The following MGAT4C variants were observed in gnomAD, a reference collection of about 807,000 sequenced individuals.
MGAT4C encodes the protein MGAT4 family member C, also known as alpha-1,3-mannosyl-glycoprotein 4-beta-N-acetylglucosaminyltransferase C.
A neutral mutation model predicts 40.1 loss-of-function variants in MGAT4C; 19 were observed. That is an observed-to-expected ratio of 0.47 (90% confidence interval 0.33 to 0.70). The LOEUF (loss-of-function observed/expected upper bound fraction) is 0.70, where lower values mean the gene tolerates loss of function less well. Ranked by LOEUF, MGAT4C falls within the 30% of genes least tolerant of loss-of-function variation. MGAT4C has a pLI of 0.02. For synonymous variants in MGAT4C, 181 were observed against 187.1 expected, an observed-to-expected ratio of 0.97 and a Z score of 0.27; for missense variants, 491 against 563.2, an observed-to-expected ratio of 0.87 and a Z score of 1.30.
At chr12:86,308,014 A>G (rs544103333) in intron 4 of MGAT4C, among the ~76,000 whole-genome samples, 2 of 150,036 alleles carry the variant, frequency 1.3e-5, no homozygotes, top group East Asian at 3.9e-4. Flanking sequence ...TTTGGGTACA[A>G]TTTTTTTGTA....
intron 2 of MGAT4C, among the ~76,000 whole-genome samples, chr12:86,443,877 T>A (rs56223531): frequency 0.11 from 15,999 of 152,178 alleles, 1,040 homozygotes; most frequent in Middle Eastern, 0.25. Flanking sequence ...TACAGGCACA[T>A]GCCACCATGC....
chr12:86,729,790 T>C (rs954414713), intron 1 of MGAT4C, among the ~76,000 whole-genome samples: 54 of 152,188 alleles, frequency 3.5e-4, no homozygotes, highest in African/African-American at 1.2e-3. Flanking sequence ...TTCCCCTAGA[T>C]GGGAGTAGAG....
intron 2 of MGAT4C, among the ~76,000 whole-genome samples, chr12:86,589,475 C>G (rs1355659114): frequency 1.3e-5 from 2 of 151,800 alleles, no homozygotes; most frequent in Non-Finnish European, 2.9e-5. Flanking sequence ...ACCAGAGGTA[C>G]AAGGAGGAAC....
chr12:86,518,943 G>C (rs1438301874), intron 2 of MGAT4C, among the ~76,000 whole-genome samples: 1 of 151,928 alleles, frequency 6.6e-6, no homozygotes, highest in Non-Finnish European at 1.5e-5. Flanking sequence ...CAAACATAAA[G>C]GAATACAGAT....
rs997369025 is a variant in MGAT4C, at chr12:86,543,991, C to T, written c.-228-108726G>A. 2.6e-5 allele frequency among the ~76,000 whole-genome samples: 4 copies of T among 152,026 alleles called. No homozygotes were observed. In the South Asian group the frequency reaches 6.2e-4, roughly 24 times the overall value. The stretch of plus-strand genomic sequence containing the variant: ...ATCAGGGGGGCTCAGGCTATTCACA[C>T]GATGATATAAGGATACTACATTCAG... On this transcript the variant is annotated intron_variant, in intron 2 of 7. Coordinates refer to the MGAT4C transcript ENST00000548651.
At chr12:86,046,661 G>A (rs1390817899) in intron 2 of MGAT4C, among the ~76,000 whole-genome samples, 1 of 152,098 alleles carries the variant, frequency 6.6e-6, no homozygotes, top group African/African-American at 2.4e-5. Flanking sequence ...GTGAATTGGG[G>A]TCTCCTGGGG....
At chr12:86,794,186 A>G (rs558386128) in intron 1 of MGAT4C, among the ~76,000 whole-genome samples, 1 of 151,914 alleles carries the variant, frequency 6.6e-6, no homozygotes, top group East Asian at 1.9e-4. Context: ...AAATATATTC[A>G]GACATCAAAA....
At chr12:86,322,230 G>A (rs1954409626) in intron 4 of MGAT4C, among the ~76,000 whole-genome samples, 2 of 116,128 alleles carry the variant, frequency 1.7e-5, no homozygotes, top group Admixed American at 1.1e-4. Flanking sequence ...TCGTGGGGTG[G>A]GGGGAGGGGG....
chr12:86,526,158 G>T (rs1270452852), intron 2 of MGAT4C, among the ~76,000 whole-genome samples: 2 of 152,162 alleles, frequency 1.3e-5, no homozygotes, highest in Admixed American at 6.5e-5. Flanking sequence ...CTCAGGATGG[G>T]GGAGGGTCTG....
chr12:86,240,990 A>G (rs1267266302), intron 1 of MGAT4C, among the ~76,000 whole-genome samples: 2 of 151,922 alleles, frequency 1.3e-5, no homozygotes, highest in Non-Finnish European at 1.5e-5. Flanking sequence ...GAAGAATACA[A>G]TCTCCCCACT....
intron 3 of MGAT4C, among the ~76,000 whole-genome samples, chr12:86,345,434 C>G (rs1000491831): frequency 6.6e-6 from 1 of 151,828 alleles, no homozygotes; most frequent in Non-Finnish European, 1.5e-5. Flanking sequence ...CCTTCCCCCA[C>G]CCCACAACAG....
chr12:86,585,277 G>C (rs1216508246), intron 2 of MGAT4C, among the ~76,000 whole-genome samples: 2 of 151,122 alleles, frequency 1.3e-5, no homozygotes, highest in African/African-American at 2.4e-5. Context: ...CTTATTTGTA[G>C]GACTGGAAAA....
At chr12:86,262,984 T>C (rs1352414617) in intron 4 of MGAT4C, among the ~76,000 whole-genome samples, 1 of 151,962 alleles carries the variant, frequency 6.6e-6, no homozygotes, top group Admixed American at 6.5e-5. Context: ...AGGTTTTATT[T>C]TATATATTTT....
chr12:86,523,952 T>A (rs1958837565), intron 2 of MGAT4C, among the ~76,000 whole-genome samples: 1 of 152,188 alleles, frequency 6.6e-6, no homozygotes, highest in African/African-American at 2.4e-5. Context: ...TTTTTCTTCA[T>A]CCCTTTATTT....
At chr12:86,721,680 T>C (rs1209894624) in intron 2 of MGAT4C, among the ~76,000 whole-genome samples, 1 of 152,068 alleles carries the variant, frequency 6.6e-6, no homozygotes, top group East Asian at 1.9e-4. Context: ...GATTATTCTA[T>C]GGGGTGGTTT....
intron 1 of MGAT4C, among the ~76,000 whole-genome samples, chr12:86,812,056 G>A (rs1233633295): frequency 6.6e-6 from 1 of 152,192 alleles, no homozygotes; most frequent in African/African-American, 2.4e-5. Flanking sequence ...TTTTATATTT[G>A]ACATAAACTA....
chr12:86,385,288 T>C (rs1291145539), intron 3 of MGAT4C, among the ~76,000 whole-genome samples: 1 of 152,150 alleles, frequency 6.6e-6, no homozygotes, highest in Non-Finnish European at 1.5e-5. Context: ...TATCATTTCA[T>C]CTGGGCCTTT....
intron 3 of MGAT4C, among the ~76,000 whole-genome samples, chr12:86,371,829 A>G (rs540076375): frequency 6.6e-6 from 1 of 152,034 alleles, no homozygotes; most frequent in East Asian, 1.9e-4. Context: ...AAAGTAAATT[A>G]AATAAAAATA....
At chr12:86,680,726 G>A (rs1013769066) in intron 2 of MGAT4C, among the ~76,000 whole-genome samples, 45 of 152,028 alleles carry the variant, frequency 3.0e-4, no homozygotes, top group African/African-American at 1.1e-3. Flanking sequence ...ACAGTGCTCC[G>A]AAGGTAAATC....
Sources: gnomAD v4.1 joint callset for allele counts (sites outside exome capture counted in the v4.1 genomes callset) on GRCh38, gnomAD v4.1.1 for gene constraint, MANE v1.5 for transcripts, NCBI Gene and HGNC (gene_info 2026-07-23, HGNC 2026-07-21) for gene names.